ITPRID1: variants seen among roughly 807,000 people sequenced by gnomAD.
The protein encoded by ITPRID1 is ITPR interacting domain containing 1.
ITPRID1 carries 96 observed loss-of-function variants against 95.4 expected under a neutral mutation model. That is an observed-to-expected ratio of 1.01 (90% CI 0.85 to 1.19). The LOEUF is 1.19. Ranked by LOEUF, ITPRID1 falls within the 50% of genes most tolerant of loss-of-function variation. The pLI, the probability that ITPRID1 is intolerant of heterozygous loss-of-function variation, is 0.00. For synonymous variants in ITPRID1, 510 were observed against 453.6 expected (o/e 1.12, Z -1.58); for missense variants, 1,339 against 1,252.9 (o/e 1.07, Z -1.04).
chr7:31,626,629 GAC>G (rs1365404737), intron 10 of ITPRID1, among the ~76,000 whole-genome samples: 36 of 152,250 alleles, frequency 2.4e-4, no homozygotes, highest in African/African-American at 8.4e-4. Context: ...AACAGTTTTT[GAC>G]ATGTCGGTGA....
At chr7:31,601,671 G>A (rs1043673735) in intron 10 of ITPRID1, among the ~76,000 whole-genome samples, 4 of 152,160 alleles carry the variant, frequency 2.6e-5, no homozygotes, top group Non-Finnish European at 4.4e-5. Flanking sequence ...ACTGGCCTCC[G>A]TGATGATGCA....
At chr7:31,625,531 C>T (rs1021144639) in intron 10 of ITPRID1, among the ~76,000 whole-genome samples, 3 of 151,922 alleles carry the variant, frequency 2.0e-5, no homozygotes, top group Non-Finnish European at 4.4e-5. Context: ...AACAAAAAAC[C>T]AGACACCACA....
At chr7:31,635,236 C>A (rs1020473783) in intron 10 of ITPRID1, among the ~76,000 whole-genome samples, 2 of 152,122 alleles carry the variant, frequency 1.3e-5, no homozygotes, top group South Asian at 2.1e-4. Flanking sequence ...ATTTGGAAAT[C>A]CTACATCTAG....
chr7:31,524,345 A>T (rs1783358061), intron 1 of ITPRID1, among the ~76,000 whole-genome samples: 1 of 152,208 alleles, frequency 6.6e-6, no homozygotes, highest in South Asian at 2.1e-4. Context: ...AATACTTCCC[A>T]GCTGCCTGGA....
chr7:31,655,964 T>C lies in ITPRID1; in HGVS notation c.*3135T>C. The C allele has an allele frequency of 1.0e-6, 1 of 985,452 alleles. No individual in the cohort carries two copies. Among genetic ancestry groups the C allele is most frequent in the Non-Finnish European group, 1.2e-6 (1 of 829,948 alleles). 61.0% of individuals were successfully genotyped at this position (985,452 alleles called of 1,614,324 possible). Reference sequence around the variant, plus strand: ...GCTCATCCCTCAGATGAATCTCCAATTCTATTCCCCTAAACCACCTCCTGT... The same window carrying C: ...GCTCATCCCTCAGATGAATCTCCAACTCTATTCCCCTAAACCACCTCCTGT... On this transcript the variant is annotated 3_prime_UTR_variant, in exon 15 of 15. Transcript: ENST00000615280.
At chr7:31,540,808 A>G (rs1240424801) in intron 1 of ITPRID1, among the ~76,000 whole-genome samples, 1 of 152,168 alleles carries the variant, frequency 6.6e-6, no homozygotes, top group East Asian at 1.9e-4. Context: ...CCGGCCTGTC[A>G]GAAAGTGACA....
At chr7:31,538,758 C>T (rs1277883059) in intron 1 of ITPRID1, among the ~76,000 whole-genome samples, 1 of 152,106 alleles carries the variant, frequency 6.6e-6, no homozygotes, top group Admixed American at 6.5e-5. Flanking sequence ...TATCCCATTA[C>T]CTGAGATGTG....
chr7:31,644,294 TTC>T (rs10587052), intron 12 of ITPRID1, among the ~76,000 whole-genome samples: 109,481 of 151,908 alleles, frequency 0.72, 40,024 homozygotes, highest in East Asian at 0.83. Context: ...AGCTGAGAAG[TTC>T]TGTGTCTTAA....
chr7:31,562,792 C>T (rs1269653048), intron 5 of ITPRID1, among the ~76,000 whole-genome samples: 1 of 152,126 alleles, frequency 6.6e-6, no homozygotes, highest in East Asian at 1.9e-4. Context: ...TTTCTTCATC[C>T]TGTTCCTCCT....
chr7:31,520,750 G>A (rs1025551687), intron 1 of ITPRID1, among the ~76,000 whole-genome samples: 1 of 152,026 alleles, frequency 6.6e-6, no homozygotes, highest in African/African-American at 2.4e-5. Flanking sequence ...CAGATAGAGG[G>A]ATGAAATATA....
chr7:31,597,118 C>G (rs906251496), intron 10 of ITPRID1, among the ~76,000 whole-genome samples: 1 of 151,936 alleles, frequency 6.6e-6, no homozygotes, highest in Non-Finnish European at 1.5e-5. Flanking sequence ...CAAAAACTCT[C>G]TGCAAGTAGG....
In ITPRID1 at chr7:31,574,766, C is replaced by T. The variant is rs368058121; in HGVS notation, c.598+24C>T. On this transcript the variant is annotated intron_variant, in intron 8 of 14. Transcript: ENST00000615280. ...CGGTAAGCGAGGTGCCTGTGGCATT[C>T]GCATCTCAGCATTGGGAATGAGTGG... 14 of 1,608,514 alleles carry T rather than the reference C, an allele frequency of 8.7e-6. No homozygotes were observed. In the African/African-American group the frequency reaches 1.3e-4, roughly 15 times the overall value.
intron 1 of ITPRID1, among the ~76,000 whole-genome samples, chr7:31,521,681 TCCTTCCTC>T (rs1783263286): frequency 1.8e-5 from 2 of 113,162 alleles, no homozygotes; most frequent in Non-Finnish European, 3.5e-5. Flanking sequence ...CTTCCTTCCT[TCCTTCCTC>T]CTTTATTCCC....
downstream of ITPRID1, chr7:31,658,221 A>G (rs1227049861): frequency 2.1e-6 from 3 of 1,448,854 alleles, no homozygotes; most frequent in Non-Finnish European, 2.7e-6. Context: ...AACACTTCCC[A>G]GAAAAATGTT....
intron 10 of ITPRID1, among the ~76,000 whole-genome samples, chr7:31,628,764 A>T (rs1405425397): frequency 2.0e-5 from 3 of 152,070 alleles, no homozygotes; most frequent in Non-Finnish European, 4.4e-5. Context: ...CCTGAGCGTG[A>T]TTCTTGATGG....
intron 10 of ITPRID1, among the ~76,000 whole-genome samples, chr7:31,640,887 G>A (rs1378295642): frequency 1.3e-5 from 2 of 152,156 alleles, no homozygotes; most frequent in African/African-American, 2.4e-5. Flanking sequence ...ATTTTAAAAT[G>A]TATGCCCTCT....
intron 1 of ITPRID1, chr7:31,529,541 T>A (rs1015815661): frequency 1.1e-5 from 5 of 457,576 alleles, no homozygotes; most frequent in Non-Finnish European, 1.9e-5. Context: ...TTTACCACTT[T>A]CTTTCTTGTA....
intron 1 of ITPRID1, chr7:31,517,419 T>G (rs13223005): frequency 0.2 from 30,258 of 152,300 alleles, 3,340 homozygotes; most frequent in Middle Eastern, 0.25. Flanking sequence ...TGCGGGACTT[T>G]CCAGCACCTA....
At chr7:31,562,350 G>A (rs151129123) in intron 5 of ITPRID1, among the ~76,000 whole-genome samples, 1 of 152,130 alleles carries the variant, frequency 6.6e-6, no homozygotes, top group Non-Finnish European at 1.5e-5. Context: ...GACAGTTTCT[G>A]TCAAAGATAT....
Sources: gnomAD v4.1 joint callset for allele counts (sites outside exome capture counted in the v4.1 genomes callset) on GRCh38, gnomAD v4.1.1 for gene constraint, MANE v1.5 for transcripts, NCBI Gene and HGNC (gene_info 2026-07-23, HGNC 2026-07-21) for gene names.